Variants in KPNA7 observed in about 807,000 individuals in gnomAD.
KPNA7 encodes importin subunit alpha-8.
KPNA7 carries 54 observed loss-of-function variants against 53.7 expected under a neutral mutation model. The observed-to-expected ratio is 1.01, with a 90% CI of 0.81 to 1.26. The LOEUF is 1.26. KPNA7 is among the 50% of genes most tolerant of loss of function. KPNA7 has a pLI of 0.00. For synonymous variants in KPNA7, 276 were observed against 259.3 expected, an observed-to-expected ratio of 1.06 and a Z score of -0.62; for missense variants, 640 against 644.5, an observed-to-expected ratio of 0.99 and a Z score of 0.07.
Position 99,203,217 on chromosome 7 carries a change from C to G in KPNA7, c.90G>C (p.Ala30=), listed in dbSNP as rs185607044. The part of the protein sequence containing the change: ...DVSLRRQQRM[A]VSLELRKAKK... ...TGGCCTTTCGGAGCTCCAGACTGAC[C>G]GCCATCCTCTGCTGTCGCCTCAGCT... Residue 30 remains alanine, a synonymous_variant, in exon 3 of 11, where the codon GCG becomes GCC. Transcript: ENST00000327442. 1 of 1,551,616 alleles carries G rather than the reference C, an allele frequency of 6.4e-7. No individual in the cohort carries two copies. Among genetic ancestry groups the G allele is most frequent in the Non-Finnish European group, 8.7e-7 (1 of 1,146,874 alleles).
At chr7:99,151,750 C>T in the KPNA7 span, among the ~76,000 whole-genome samples, 2 of 152,072 alleles carry the variant, frequency 1.3e-5, no homozygotes, top group East Asian at 3.9e-4. Context: ...AGCCACTGCA[C>T]CTGGCCACAA....
intron 5 of KPNA7, 48 bp downstream of exon 5, chr7:99,195,022 C>T (rs1790152003): frequency 1.3e-6 from 2 of 1,536,748 alleles, no homozygotes; most frequent in Admixed American, 2.0e-5. Context: ...TTATAGTATC[C>T]CACACACCTG....
the KPNA7 span, among the ~76,000 whole-genome samples, chr7:99,161,631 G>A: frequency 6.6e-6 from 1 of 152,186 alleles, no homozygotes; most frequent in Non-Finnish European, 1.5e-5. Flanking sequence ...CTTTGAATTA[G>A]TTATTAGTGA....
chr7:99,165,437 C>T, the KPNA7 span, among the ~76,000 whole-genome samples: 1 of 152,138 alleles, frequency 6.6e-6, no homozygotes, highest in African/African-American at 2.4e-5. Context: ...GGCACAGCCC[C>T]TCGAGGAGCA....
chr7:99,205,175 G>C (rs1485985070), intron 2 of KPNA7, among the ~76,000 whole-genome samples: 1 of 151,922 alleles, frequency 6.6e-6, no homozygotes, highest in Non-Finnish European at 1.5e-5. Flanking sequence ...TGTAATCCCA[G>C]CACTTTGGGA....
chr7:99,198,084 G>A (rs986185777), intron 3 of KPNA7, among the ~76,000 whole-genome samples: 6 of 152,066 alleles, frequency 3.9e-5, no homozygotes, highest in African/African-American at 1.2e-4. Flanking sequence ...CAAAAGAGAA[G>A]CAATTCATGT....
In KPNA7 at chr7:99,181,079, GTC is replaced by G. The variant is rs1255545299; in HGVS notation, c.1317+802_1317+803del. Reference sequence around the variant, plus strand: ...CGTCTGTGTCTCTCTCTCCATCTGTGTCTCTCTCTCTCTCTCCGTCTGTGTCT... The same window carrying G: ...CGTCTGTGTCTCTCTCTCCATCTGTGTCTCTCTCTCTCTCCGTCTGTGTCT... On this transcript the variant is annotated intron_variant, in intron 9 of 10. Transcript: ENST00000327442. Among the ~76,000 whole-genome samples, 3 of 56,134 alleles carry G rather than the reference GTC, an allele frequency of 5.3e-5. 1 individual carries two copies. Among genetic ancestry groups the G allele is most frequent in the Middle Eastern group, 0.025 (2 of 80 alleles). 36.8% of individuals were successfully genotyped at this position (56,134 alleles called of 152,430 possible).
At chr7:99,176,852 G>A (rs1240141854) in intron 10 of KPNA7, among the ~76,000 whole-genome samples, 1 of 152,116 alleles carries the variant, frequency 6.6e-6, no homozygotes, top group East Asian at 1.9e-4. Flanking sequence ...TTGCCTTCCA[G>A]CCTGGGTGAC....
downstream of KPNA7, among the ~76,000 whole-genome samples, chr7:99,171,718 T>A (rs1798775025): frequency 6.6e-6 from 1 of 152,142 alleles, no homozygotes; most frequent in Admixed American, 6.6e-5. Context: ...ATGGTTCCAC[T>A]GCACTCCAGC....
At chr7:99,153,336 T>C in the KPNA7 span, among the ~76,000 whole-genome samples, 10 of 151,268 alleles carry the variant, frequency 6.6e-5, no homozygotes, top group Non-Finnish European at 1.5e-4. Context: ...GGCGGACAGA[T>C]CACCTGAGAT....
At chr7:99,206,465 T>C (rs1790820626) in intron 2 of KPNA7, among the ~76,000 whole-genome samples, 1 of 151,314 alleles carries the variant, frequency 6.6e-6, no homozygotes, top group Admixed American at 6.6e-5. Context: ...CCCAGCCTGG[T>C]TTTTTATTTG....
intron 4 of KPNA7, among the ~76,000 whole-genome samples, chr7:99,195,782 G>T (rs1010856846): frequency 6.6e-6 from 1 of 152,142 alleles, no homozygotes; most frequent in Non-Finnish European, 1.5e-5. Context: ...GTGTTCAACC[G>T]ATAGCATTTT....
At chr7:99,184,860 C>T in intron 8 of KPNA7, 69 bp downstream of exon 8, 1 of 1,287,436 alleles carries the variant, frequency 7.8e-7, no homozygotes, top group East Asian at 2.5e-5. Flanking sequence ...TGTCTGGATT[C>T]CTGAAGGAGT....
chr7:99,209,258 C>A (rs1371013165), upstream of KPNA7, among the ~76,000 whole-genome samples: 1 of 151,996 alleles, frequency 6.6e-6, no homozygotes, highest in Non-Finnish European at 1.5e-5. Flanking sequence ...ACAGGAAAAC[C>A]CCACACCCAA....
downstream of KPNA7, among the ~76,000 whole-genome samples, chr7:99,170,837 A>AAC (rs1322333701): frequency 1.3e-5 from 2 of 152,206 alleles, no homozygotes; most frequent in African/African-American, 4.8e-5. Context: ...CTTTGAACCC[A>AAC]ACACTGAAAA....
chr7:99,204,836 A>G (rs1250790417), intron 2 of KPNA7, among the ~76,000 whole-genome samples: 2 of 152,178 alleles, frequency 1.3e-5, no homozygotes, highest in African/African-American at 4.8e-5. Context: ...AGCCTGGATG[A>G]CAGAGCAAGA....
At chr7:99,162,993 C>T in the KPNA7 span, among the ~76,000 whole-genome samples, 14 of 152,022 alleles carry the variant, frequency 9.2e-5, no homozygotes, top group Non-Finnish European at 2.1e-4. Flanking sequence ...CCAGCCTGAT[C>T]AACATGGAGA....
chr7:99,175,352 A>AT (rs1030778543), intron 10 of KPNA7, among the ~76,000 whole-genome samples: 12 of 151,332 alleles, frequency 7.9e-5, no homozygotes, highest in African/African-American at 2.9e-4. Flanking sequence ...TAATTTTTGT[A>AT]TTTTTTGTAG....
rs531996641 is a variant in KPNA7 at position 99,173,877 on chromosome 7, C to T, written c.1465-83G>A. 1.3e-5 allele frequency: 10 copies of T among 788,750 alleles called. No individual in the cohort carries two copies. In the East Asian group the frequency reaches 2.7e-4, roughly 21 times the overall value. The allele number at this position is 788,750 out of a possible 1,614,324, so 48.9% of individuals were successfully genotyped here. A position where few individuals can be genotyped will look rare whatever the true frequency, so the allele number is the denominator to read the frequency against. On this transcript the variant is annotated intron_variant, in intron 10 of 10. Coordinates refer to ENST00000327442, the MANE Select transcript of KPNA7 (RefSeq NM_001145715.3). ...ACATTTGGCAAGATGCACCTTGTAA[C>T]AAAATTGACCCTCTTAACCATGTTT...
Sources: gnomAD v4.1 joint callset for allele counts (sites outside exome capture counted in the v4.1 genomes callset) on GRCh38, gnomAD v4.1.1 for gene constraint, MANE v1.5 for transcripts, NCBI Gene and HGNC (gene_info 2026-07-23, HGNC 2026-07-21) for gene names.